The following CFAP100 variants were observed in gnomAD, a reference collection of about 807,000 sequenced individuals.
CFAP100 encodes the protein cilia and flagella associated protein 100, also known as cilia- and flagella-associated protein 100.
CFAP100 carries 70 observed loss-of-function variants against 81.5 expected under a neutral mutation model. The observed-to-expected ratio is 0.86, with a 90% CI of 0.71 to 1.05. The LOEUF is 1.05. CFAP100 is among the 50% of genes least tolerant of loss of function. CFAP100 has a pLI of 0.00. For missense variants in CFAP100, 811 were observed against 776.5 expected, an observed-to-expected ratio of 1.04 and a Z score of -0.53; for synonymous variants, 341 against 314.8, an observed-to-expected ratio of 1.08 and a Z score of -0.88.
At chr3:126,430,420 C>A (rs1162861001) in intron 13 of CFAP100, among the ~76,000 whole-genome samples, 1 of 152,152 alleles carries the variant, frequency 6.6e-6, no homozygotes, top group Admixed American at 6.5e-5. Context: ...ATCCCAATTA[C>A]ACTGATTTGA....
intron 7 of CFAP100, 132 bp from the exon 8 acceptor site, chr3:126,418,944 C>A: frequency 1.0e-6 from 1 of 995,612 alleles, no homozygotes; most frequent in Non-Finnish European, 1.5e-6. Context: ...AAAGGCTTAA[C>A]TGTGTGGCTC....
At position 126,435,523 on chromosome 3, in the gene CFAP100, T is replaced by A. The variant is rs537437469; in HGVS notation, c.1629-36T>A. 5.2e-4 allele frequency: 823 copies of A among 1,572,130 alleles called. 13 individuals carry two copies. In the South Asian group the frequency reaches 8.7e-3, roughly 17 times the overall value. On this transcript the variant is annotated intron_variant, in intron 15 of 16. Transcript: ENST00000352312. ...TGGAGATTACACAACACCTTCCAGGTCCCCCCAGTTTTCAATGTCATTTCT... is the reference window on the plus strand; with the variant it reads ...TGGAGATTACACAACACCTTCCAGGACCCCCCAGTTTTCAATGTCATTTCT...
chr3:126,397,702 T>C (rs1200790796), intron 2 of CFAP100, among the ~76,000 whole-genome samples: 1 of 152,156 alleles, frequency 6.6e-6, no homozygotes, highest in Admixed American at 6.5e-5. Flanking sequence ...GAGGTTGGCA[T>C]GGGCAAGGTG....
At chr3:126,416,275 G>A (rs2083237821) in intron 4 of CFAP100, 41 bp from the exon 5 acceptor site, 2 of 1,537,054 alleles carry the variant, frequency 1.3e-6, no homozygotes, top group African/African-American at 2.8e-5. Context: ...GGACGCGGGT[G>A]GGGAGCCTGG....
chr3:126,407,356 A>G, intron 3 of CFAP100, 104 bp downstream of exon 3: 1 of 644,460 alleles, frequency 1.6e-6, no homozygotes, highest in South Asian at 2.2e-5. Context: ...TAAGGGCAGA[A>G]GGAAATGTTT....
chr3:126,433,384 A>G (rs1933310076), intron 14 of CFAP100, 180 bp downstream of exon 14: 1 of 667,322 alleles, frequency 1.5e-6, no homozygotes, highest in Non-Finnish European at 2.6e-6. Flanking sequence ...TGTGCCAGCC[A>G]GCTTGGTTGC....
At chr3:126,428,067 C>T (rs1933029032) in intron 13 of CFAP100, among the ~76,000 whole-genome samples, 1 of 152,196 alleles carries the variant, frequency 6.6e-6, no homozygotes, top group Non-Finnish European at 1.5e-5. Context: ...CAGGCCCCAC[C>T]TCCAACACTG....
rs75259840 is a variant in CFAP100 at position 126,415,507 on chromosome 3, G to A, written c.226-809G>A. 7.5e-3 allele frequency among the ~76,000 whole-genome samples: 1,140 copies of A among 152,248 alleles called. 24 individuals are homozygous for A. The highest frequency in any genetic ancestry group is 0.026 in the African/African-American group (1,081 of 41,536). On this transcript the variant is annotated intron_variant, in intron 4 of 16. Coordinates refer to ENST00000352312, the MANE Select transcript of CFAP100 (RefSeq NM_182628.3). The stretch of plus-strand genomic sequence containing the variant: ...TTCTAAAGGCCACCTTGTACCCTGA[G>A]GATACAGTAGGTGACATTTTCCTGA...
intron 11 of CFAP100, among the ~76,000 whole-genome samples, chr3:126,422,982 G>C (rs753605750): frequency 6.6e-6 from 1 of 152,154 alleles, no homozygotes; most frequent in Non-Finnish European, 1.5e-5. Context: ...CATGACCCAA[G>C]AGGAGAGCAG....
chr3:126,416,593 A>T (rs2083247987), intron 5 of CFAP100, 85 bp downstream of exon 5: 1 of 1,176,882 alleles, frequency 8.5e-7, no homozygotes, highest in Admixed American at 2.7e-5. Context: ...CCTCCGTGCC[A>T]CTCATCTTGC....
At chr3:126,404,831 C>T (rs886104650) in intron 2 of CFAP100, among the ~76,000 whole-genome samples, 7 of 152,142 alleles carry the variant, frequency 4.6e-5, no homozygotes, top group East Asian at 1.9e-4. Flanking sequence ...CACACCACCA[C>T]GCCTGGTTAA....
chr3:126,419,236 A>G (rs1267869785), intron 8 of CFAP100, 80 bp downstream of exon 8: 3 of 926,426 alleles, frequency 3.2e-6, no homozygotes, highest in Middle Eastern at 2.2e-4. Context: ...AGGGAAGCCT[A>G]GCACCATGTG....
intron 3 of CFAP100, among the ~76,000 whole-genome samples, chr3:126,413,361 C>T (rs949406742): frequency 6.6e-6 from 1 of 152,204 alleles, no homozygotes; most frequent in Non-Finnish European, 1.5e-5. Context: ...CCAGAGCTGT[C>T]CTAGAGTTTT....
At chr3:126,403,318 C>T (rs76585492) in intron 2 of CFAP100, among the ~76,000 whole-genome samples, 15,230 of 151,292 alleles carry the variant, frequency 0.1, 955 homozygotes, top group African/African-American at 0.18. Context: ...CAAAAGACTC[C>T]GATGGATAGA....
chr3:126,416,362 A>G lies in CFAP100; in HGVS notation c.272A>G (p.Tyr91Cys), dbSNP rs1030086287. Reference protein sequence around the residue: ...KTMRVHQKMTYSSKVSAKHTS... With the variant: ...KTMRVHQKMTCSSKVSAKHTS... ...ATGCGGGTGCACCAGAAGATGACCT[A>G]CTCCTCGAAAGTGTCGGCTAAGCAC... The change falls in exon 5 of 17, where the codon TAC (tyrosine) becomes TGC (cysteine). Residue 91 changes from tyrosine to cysteine, a missense_variant. Coordinates refer to ENST00000352312, the MANE Select transcript of CFAP100 (RefSeq NM_182628.3). 3.7e-6 allele frequency: 6 copies of G among 1,608,276 alleles called. No individual in the cohort carries two copies. The highest frequency in any genetic ancestry group is 1.1e-5 in the South Asian group (1 of 90,572).
intron 2 of CFAP100, among the ~76,000 whole-genome samples, chr3:126,399,155 G>A (rs771770993): frequency 2.0e-5 from 3 of 152,162 alleles, no homozygotes; most frequent in Non-Finnish European, 4.4e-5. Flanking sequence ...CCTCATTGCT[G>A]TTCCCTGTTT....
At chr3:126,398,432 G>A (rs975154013) in intron 2 of CFAP100, among the ~76,000 whole-genome samples, 4 of 152,230 alleles carry the variant, frequency 2.6e-5, no homozygotes, top group Admixed American at 6.5e-5. Context: ...ACTCCAGAAG[G>A]AGCAGGTTGG....
chr3:126,435,746 C>G, intron 16 of CFAP100, 94 bp downstream of exon 16: 1 of 961,750 alleles, frequency 1.0e-6, no homozygotes, highest in Non-Finnish European at 1.6e-6. Context: ...GATGCTACCA[C>G]TCTGAAGGCA....
intron 5 of CFAP100, among the ~76,000 whole-genome samples, chr3:126,417,659 G>A (rs116377295): frequency 0.034 from 5,216 of 152,346 alleles, 89 homozygotes; most frequent in South Asian, 0.062. Flanking sequence ...CTCCCAGAGA[G>A]GAGCTGGGTC....
Sources: gnomAD v4.1 joint callset for allele counts (sites outside exome capture counted in the v4.1 genomes callset) on GRCh38, gnomAD v4.1.1 for gene constraint, MANE v1.5 for transcripts, NCBI Gene and HGNC (gene_info 2026-07-23, HGNC 2026-07-21) for gene names.